ANKS1B: variants seen among roughly 807,000 people sequenced by gnomAD.
The protein encoded by ANKS1B is ankyrin repeat and sterile alpha motif domain containing 1B, also known as ankyrin repeat and sterile alpha motif domain-containing protein 1B.
A neutral mutation model predicts 148.3 loss-of-function variants in ANKS1B; 36 were observed. The ratio of observed to expected loss-of-function variants is 0.24; its 90% confidence interval spans 0.19 to 0.32. ANKS1B has a LOEUF of 0.32. Ranked by LOEUF, ANKS1B falls within the 10% of genes least tolerant of loss-of-function variation. The probability of loss-of-function intolerance (pLI) is 1.00; values close to 1 mark genes in which losing one functional copy is unlikely to be tolerated. For synonymous variants in ANKS1B, 542 were observed against 560.8 expected (o/e 0.97, Z 0.47); for missense variants, 1,157 against 1,542.6 (o/e 0.75, Z 4.19).
At chr12:99,767,030 A>G (rs536805973) in intron 8 of ANKS1B, among the ~76,000 whole-genome samples, 45 of 152,270 alleles carry the variant, frequency 3.0e-4, no homozygotes, top group Admixed American at 2.8e-3. Flanking sequence ...TTAGAACTAA[A>G]TTAAGTATAT....
At chr12:99,188,613 T>A (rs964358375) in intron 14 of ANKS1B, among the ~76,000 whole-genome samples, 1 of 152,130 alleles carries the variant, frequency 6.6e-6, no homozygotes, top group Admixed American at 6.6e-5. Flanking sequence ...AATAATGAAA[T>A]GAAGGCAGAA....
chr12:99,151,340 C>T (rs941590101), intron 15 of ANKS1B, among the ~76,000 whole-genome samples: 17 of 152,098 alleles, frequency 1.1e-4, no homozygotes, highest in African/African-American at 2.7e-4. Context: ...CCAGCCTGGT[C>T]GACATGGTGA....
chr12:99,023,219 T>C (rs1277251999), intron 17 of ANKS1B, among the ~76,000 whole-genome samples: 2 of 152,136 alleles, frequency 1.3e-5, no homozygotes, highest in African/African-American at 2.4e-5. Context: ...TTGGTTTTAC[T>C]TACATATTTA....
Position 99,507,606 on chromosome 12 carries a change from C to T in ANKS1B, c.1273-2965G>A, listed in dbSNP as rs77631574. Among the ~76,000 whole-genome samples the T allele has an allele frequency of 4.8e-3, 722 of 151,940 alleles. 31 individuals carry two copies. In the South Asian group the frequency reaches 0.07, roughly 15 times the overall value. ...AAACAATAATGAAGTACTCCCTCTTCTGCTTCCTAATGGAGGGCCATAATT... is the reference window on the plus strand; with the variant it reads ...AAACAATAATGAAGTACTCCCTCTTTTGCTTCCTAATGGAGGGCCATAATT... On this transcript the variant is annotated intron_variant, in intron 9 of 26. Transcript: ENST00000683438.
intron 17 of ANKS1B, among the ~76,000 whole-genome samples, chr12:98,907,245 A>G (rs540897086): frequency 6.6e-6 from 1 of 152,324 alleles, no homozygotes; most frequent in African/African-American, 2.4e-5. Flanking sequence ...ACATATGAAG[A>G]TGGGCTCCAT....
At chr12:99,378,121 C>T (rs1049330389) in intron 12 of ANKS1B, among the ~76,000 whole-genome samples, 2 of 152,082 alleles carry the variant, frequency 1.3e-5, no homozygotes, top group Non-Finnish European at 2.9e-5. Flanking sequence ...ATTTAAGAAC[C>T]ACAAAAGGCT....
chr12:99,123,371 T>C (rs2063454050), intron 15 of ANKS1B, among the ~76,000 whole-genome samples: 1 of 152,052 alleles, frequency 6.6e-6, no homozygotes, highest in Non-Finnish European at 1.5e-5. Context: ...AGCTCTGAGG[T>C]GAGAGTGTGC....
chr12:99,945,863 G>C (rs1341289236), intron 1 of ANKS1B, among the ~76,000 whole-genome samples: 3 of 152,188 alleles, frequency 2.0e-5, no homozygotes, highest in African/African-American at 7.2e-5. Flanking sequence ...TTCTCCTCTA[G>C]TTCTGCCCAA....
chr12:99,625,155 C>A (rs2098098377), intron 9 of ANKS1B, among the ~76,000 whole-genome samples: 1 of 151,940 alleles, frequency 6.6e-6, no homozygotes, highest in Non-Finnish European at 1.5e-5. Context: ...AAACAGAAAA[C>A]CAAATGTCAC....
At chr12:99,665,556 G>A (rs2098502111) in intron 8 of ANKS1B, among the ~76,000 whole-genome samples, 1 of 151,572 alleles carries the variant, frequency 6.6e-6, no homozygotes, top group African/African-American at 2.4e-5. Context: ...GCACCATCTC[G>A]GCTCACTGCA....
At chr12:99,077,041 C>CA (rs945907144) in intron 16 of ANKS1B, among the ~76,000 whole-genome samples, 1 of 151,570 alleles carries the variant, frequency 6.6e-6, no homozygotes, top group African/African-American at 2.4e-5. Context: ...GGCAAAAAAA[C>CA]AAAAAACAAA....
intron 14 of ANKS1B, among the ~76,000 whole-genome samples, chr12:99,177,791 T>C (rs1203046527): frequency 6.6e-6 from 1 of 152,232 alleles, no homozygotes; most frequent in Admixed American, 6.5e-5. Flanking sequence ...AGTGATGACC[T>C]TGGCAAACTT....
chr12:99,707,697 C>T (rs1484815903), intron 8 of ANKS1B, among the ~76,000 whole-genome samples: 1 of 151,908 alleles, frequency 6.6e-6, no homozygotes, highest in African/African-American at 2.4e-5. Context: ...GAAAGGGCAG[C>T]AGGGAGCTAG....
chr12:99,271,662 CTATATATA>C (rs59207203), intron 12 of ANKS1B, among the ~76,000 whole-genome samples: 21 of 94,206 alleles, frequency 2.2e-4, no homozygotes, highest in Middle Eastern at 6.7e-3. Flanking sequence ...AGTCAATAAA[CTATATATA>C]TATATATATA....
intron 1 of ANKS1B, among the ~76,000 whole-genome samples, chr12:99,956,884 T>C (rs2095332219): frequency 6.6e-6 from 1 of 152,232 alleles, no homozygotes; most frequent in Non-Finnish European, 1.5e-5. Flanking sequence ...CTGGTTAGAC[T>C]GACTTTTCCT....
intron 8 of ANKS1B, among the ~76,000 whole-genome samples, chr12:99,701,309 C>G (rs1253269504): frequency 1.3e-5 from 2 of 152,044 alleles, no homozygotes; most frequent in African/African-American, 2.4e-5. Context: ...CAGGGAAATG[C>G]TAAACAATAG....
At chr12:99,273,532 A>G (rs1261766691) in intron 12 of ANKS1B, among the ~76,000 whole-genome samples, 1 of 151,320 alleles carries the variant, frequency 6.6e-6, no homozygotes, top group Non-Finnish European at 1.5e-5. Context: ...CAAATTTGCA[A>G]ACGTTCTTAA....
intron 10 of ANKS1B, among the ~76,000 whole-genome samples, chr12:99,451,724 ATC>A (rs1446809685): frequency 7.9e-5 from 12 of 152,166 alleles, no homozygotes; most frequent in Non-Finnish European, 1.3e-4. Flanking sequence ...CTTCAGTTTC[ATC>A]TTCTGTAAAA....
At chr12:99,883,616 CAGG>C (rs2092661371) in intron 1 of ANKS1B, among the ~76,000 whole-genome samples, 2 of 87,634 alleles carry the variant, frequency 2.3e-5, no homozygotes, top group South Asian at 8.2e-4. Flanking sequence ...AGACTTGGGG[CAGG>C]GGGGAATCTG....
Sources: gnomAD v4.1 joint callset for allele counts (sites outside exome capture counted in the v4.1 genomes callset) on GRCh38, gnomAD v4.1.1 for gene constraint, MANE v1.5 for transcripts, NCBI Gene and HGNC (gene_info 2026-07-23, HGNC 2026-07-21) for gene names.